CRYBG1: variants seen among roughly 807,000 people sequenced by gnomAD.
The protein encoded by CRYBG1 is beta/gamma crystallin domain-containing protein 1.
In CRYBG1, 139 loss-of-function variants were observed where a neutral mutation model predicts 189.2. The observed-to-expected ratio is 0.73, with a 90% confidence interval of 0.64 to 0.85. The LOEUF (loss-of-function observed/expected upper bound fraction) is 0.85. Ranked by LOEUF, CRYBG1 falls within the 40% of genes least tolerant of loss-of-function variation. The pLI is 0.00. For synonymous variants in CRYBG1, 1,023 were observed against 1,017.1 expected (o/e 1.01, Z -0.11); for missense variants, 2,611 against 2,675.8 (o/e 0.98, Z 0.53).
chr6:106,518,682 G>A (rs1366505682), intron 3 of CRYBG1, among the ~76,000 whole-genome samples: 1 of 152,184 alleles, frequency 6.6e-6, no homozygotes, highest in Non-Finnish European at 1.5e-5. Context: ...ATGTGGCAGA[G>A]AATGGTGGCT....
At chr6:106,566,241 C>T (rs952809116) in intron 21 of CRYBG1, among the ~76,000 whole-genome samples, 1 of 151,184 alleles carries the variant, frequency 6.6e-6, no homozygotes, top group Non-Finnish European at 1.5e-5. Context: ...CACAGGATGT[C>T]CCTGACTTGT....
At chr6:106,517,317 C>CATAT (rs1286467862) in intron 3 of CRYBG1, among the ~76,000 whole-genome samples, 7 of 139,574 alleles carry the variant, frequency 5.0e-5, no homozygotes, top group Admixed American at 1.4e-4. Context: ...CACACACACA[C>CATAT]ATATATATAT....
intron 15 of CRYBG1, among the ~76,000 whole-genome samples, 171 bp from the exon 16 acceptor site, chr6:106,553,284 G>A (rs1770729): frequency 0.058 from 8,766 of 152,156 alleles, 801 homozygotes; most frequent in African/African-American, 0.2. Context: ...CAGCTAACAT[G>A]TTTCTAATTG....
chr6:106,543,390 C>T, intron 10 of CRYBG1, 50 bp from the exon 11 acceptor site: 2 of 1,513,618 alleles, frequency 1.3e-6, no homozygotes, highest in Non-Finnish European at 9.1e-7. Context: ...TAATGTTAAG[C>T]TGTTGGGATA....
At position 106,557,416 on chromosome 6, in the gene CRYBG1, T is replaced by A. The variant is rs549203485; in HGVS notation, c.5716-1070T>A. Among the ~76,000 whole-genome samples, 58 of 152,120 alleles carry A rather than the reference T, an allele frequency of 3.8e-4. 1 individual carries two copies. The South Asian group carries it at 7.9e-3, about 21-fold the overall frequency. ...AATCCCCACATGCTTTTATTTTTTT[T>A]TTTTTTGAAATGGAGTCTCACTCAG... is the stretch of plus-strand genomic sequence containing the variant. On this transcript the variant is annotated intron_variant, in intron 17 of 21. Coordinates refer to ENST00000633556, the MANE Select transcript of CRYBG1 (RefSeq NM_001371242.2).
chr6:106,530,015 T>A (rs1289382296), intron 7 of CRYBG1, among the ~76,000 whole-genome samples, 161 bp from the exon 8 acceptor site: 1 of 152,232 alleles, frequency 6.6e-6, no homozygotes, highest in East Asian at 1.9e-4. Flanking sequence ...TATTAATTCA[T>A]GGATGAAAAC....
intron 2 of CRYBG1, among the ~76,000 whole-genome samples, chr6:106,492,550 A>AAAGG (rs931258388): frequency 1.8e-4 from 28 of 151,872 alleles, no homozygotes; most frequent in South Asian, 6.2e-4. Context: ...AGAAGGAAGG[A>AAAGG]AAGGAAGGAA....
At chr6:106,477,868 C>T (rs1435598077) in intron 2 of CRYBG1, among the ~76,000 whole-genome samples, 2 of 152,236 alleles carry the variant, frequency 1.3e-5, no homozygotes, top group African/African-American at 4.8e-5. Context: ...TGTAAAGGAT[C>T]TCACACCATG....
At chr6:106,395,159 C>T (rs1182808362) in intron 1 of CRYBG1, among the ~76,000 whole-genome samples, 1 of 151,764 alleles carries the variant, frequency 6.6e-6, no homozygotes, top group Non-Finnish European at 1.5e-5. Flanking sequence ...CTTTGAGAGG[C>T]TGAGGTGGGC....
rs556188521 is a variant in CRYBG1, at chr6:106,391,903, G to C, written c.173+30822G>C. On this transcript the variant is annotated intron_variant, in intron 1 of 21. Transcript: ENST00000633556. ...CTGGCTAGATCACAAAAGTGGAGTCGTTTCCAAAAGCCTGTTGTTTAAAAC... is the reference window on the plus strand; with the variant it reads ...CTGGCTAGATCACAAAAGTGGAGTCCTTTCCAAAAGCCTGTTGTTTAAAAC... Among the ~76,000 whole-genome samples the C allele has an allele frequency of 6.6e-5, 10 of 151,312 alleles. No homozygotes were observed. In the East Asian group the frequency reaches 1.9e-3, roughly 29 times the overall value.
chr6:106,364,079 C>A (rs1451523656), intron 1 of CRYBG1, among the ~76,000 whole-genome samples: 1 of 152,168 alleles, frequency 6.6e-6, no homozygotes, highest in East Asian at 1.9e-4. Context: ...AATCCCAGTA[C>A]TTTGGGAGGC....
chr6:106,541,827 T>C (rs911432620), intron 10 of CRYBG1, among the ~76,000 whole-genome samples: 7 of 152,188 alleles, frequency 4.6e-5, no homozygotes, highest in African/African-American at 1.7e-4. Context: ...AAGATGATGC[T>C]AATGGCACTG....
intron 4 of CRYBG1, among the ~76,000 whole-genome samples, chr6:106,523,073 C>T (rs182215470): frequency 1.3e-5 from 2 of 152,238 alleles, no homozygotes; most frequent in African/African-American, 4.8e-5. Context: ...CTCAGAGCAA[C>T]GATGTCATCA....
chr6:106,459,016 T>A (rs1436536108), intron 2 of CRYBG1, among the ~76,000 whole-genome samples: 1 of 152,234 alleles, frequency 6.6e-6, no homozygotes, highest in Admixed American at 6.5e-5. Context: ...CATGGCACAC[T>A]ATATCTCATA....
chr6:106,421,177 T>C lies in CRYBG1; in HGVS notation c.174-30517T>C, dbSNP rs532143875. On this transcript the variant is annotated intron_variant, in intron 1 of 21. Transcript: ENST00000633556. ...GAAGGTGAACAGATGAGATGATTGTTACTATTTAGGCCTCAGGGTATAAGA... is the reference window on the plus strand; with the variant it reads ...GAAGGTGAACAGATGAGATGATTGTCACTATTTAGGCCTCAGGGTATAAGA... 3.5e-4 allele frequency among the ~76,000 whole-genome samples: 53 copies of C among 152,290 alleles called. 1 individual carries two copies. Among genetic ancestry groups the C allele is most frequent in the South Asian group, 8.3e-4 (4 of 4,822 alleles).
At position 106,518,975 on chromosome 6, in the gene CRYBG1, G is replaced by GCGCACACA. The variant is rs1554188403; in HGVS notation, c.1923-155_1923-154insGCACACAC. 3.2e-3 allele frequency among the ~76,000 whole-genome samples: 435 copies of GCGCACACA among 134,360 alleles called. 5 individuals carry two copies. Among genetic ancestry groups the GCGCACACA allele is most frequent in the African/African-American group, 4.1e-3 (153 of 36,932 alleles). 88.1% of individuals were successfully genotyped at this position (134,360 alleles called of 152,430 possible). ...CCTTGTCTTAAAAACACATGTGTGCGCACACACACACACACATACACACAC... is the reference window on the plus strand; with the variant it reads ...CCTTGTCTTAAAAACACATGTGTGCGCGCACACACACACACACACACACATACACACAC... On this transcript the variant is annotated intron_variant, in intron 3 of 21. Transcript: ENST00000633556.
At chr6:106,400,136 C>CA (rs11286627) in intron 1 of CRYBG1, among the ~76,000 whole-genome samples, 1,368 of 76,140 alleles carry the variant, frequency 0.018, 28 homozygotes, top group African/African-American at 0.056. Context: ...GACTCCATCT[C>CA]AAAAAAAAAA....
chr6:106,494,290 A>G (rs1772792796), intron 2 of CRYBG1, among the ~76,000 whole-genome samples: 1 of 152,188 alleles, frequency 6.6e-6, no homozygotes, highest in African/African-American at 2.4e-5. Flanking sequence ...TCAAGATGAA[A>G]AAGTTCTGGA....
At chr6:106,399,018 A>G (rs1349465872) in intron 1 of CRYBG1, among the ~76,000 whole-genome samples, 1 of 152,244 alleles carries the variant, frequency 6.6e-6, no homozygotes, top group African/African-American at 2.4e-5. Flanking sequence ...GCTATTAAGA[A>G]CTACAGTTTA....
Sources: allele counts gnomAD v4.1 joint callset (sites outside exome capture counted in the v4.1 genomes callset), GRCh38; gene constraint gnomAD v4.1.1; transcripts MANE v1.5; gene names NCBI Gene and HGNC (gene_info 2026-07-23, HGNC 2026-07-21).